WDR37: variants seen among roughly 807,000 people sequenced by gnomAD.
WDR37 encodes WD repeat-containing protein 37.
In WDR37, 19 loss-of-function variants were observed where a neutral mutation model predicts 62.9. The ratio of observed to expected loss-of-function variants is 0.30; its 90% CI spans 0.21 to 0.44. The LOEUF (loss-of-function observed/expected upper bound fraction) is 0.44. Ranked by LOEUF, WDR37 falls within the 20% of genes least tolerant of loss-of-function variation. The probability of loss-of-function intolerance (pLI) is 1.00; values close to 1 mark genes in which losing one functional copy is unlikely to be tolerated. For missense variants in WDR37, 474 were observed against 657.6 expected (o/e 0.72, Z 3.05); for synonymous variants, 250 against 260.9 (o/e 0.96, Z 0.40).
rs1835000617 is a variant in WDR37, at chr10:1,105,973, G to C, written c.1103+706G>C. On this transcript the variant is annotated intron_variant, in intron 11 of 13. Transcript: ENST00000263150. This position sits in a 1 kb window ranked among gnomAD's most constrained non-coding sequence, Gnocchi z 5.3. ...GCTAGTTTTTTGTATTTTTAGTAGAGATGGGGTTTCACCGTGATAGCCAGG... is the reference window on the plus strand; with the variant it reads ...GCTAGTTTTTTGTATTTTTAGTAGACATGGGGTTTCACCGTGATAGCCAGG... Among the ~76,000 whole-genome samples the C allele has an allele frequency of 6.6e-6, 1 of 152,178 alleles. No homozygotes were observed. The highest frequency in any genetic ancestry group is 1.9e-4 in the East Asian group (1 of 5,172).
rs202104652 is a variant in WDR37 at position 1,080,405 on chromosome 10, C to A, written c.332-7C>A. 2 of 1,614,024 alleles carry A rather than the reference C, an allele frequency of 1.2e-6. No homozygotes were observed. The highest frequency in any genetic ancestry group is 1.7e-6 in the Non-Finnish European group (2 of 1,180,010). ...TTGTGTTTGATTGTCACTCTCTGTC[C>A]CTGCAGCCAGTCACAGCACCAGCCA... is the stretch of plus-strand genomic sequence containing the variant. On this transcript the variant is annotated splice_polypyrimidine_tract_variant and splice_region_variant and intron_variant, in intron 4 of 13. Transcript: ENST00000263150.
intron 8 of WDR37, among the ~76,000 whole-genome samples, chr10:1,094,334 C>T (rs1022994805): frequency 3.3e-5 from 5 of 152,108 alleles, no homozygotes; most frequent in African/African-American, 4.8e-5. Flanking sequence ...ATTGTGCTGA[C>T]GCAGGAATAG....
intron 6 of WDR37, among the ~76,000 whole-genome samples, chr10:1,084,771 C>T (rs1363823340): frequency 2.6e-5 from 4 of 152,130 alleles, no homozygotes; most frequent in East Asian, 3.9e-4. Flanking sequence ...TTTGTGGTCC[C>T]GTGGGTGGGT....
At chr10:1,101,810 G>A (rs557948667) in intron 9 of WDR37, among the ~76,000 whole-genome samples, 2 of 152,298 alleles carry the variant, frequency 1.3e-5, no homozygotes, top group South Asian at 4.1e-4. Flanking sequence ...TCCGACTCAC[G>A]TGCGACCTCA....
At chr10:1,104,693 A>C (rs1401676906) in intron 10 of WDR37, among the ~76,000 whole-genome samples, 1 of 152,214 alleles carries the variant, frequency 6.6e-6, no homozygotes, top group Non-Finnish European at 1.5e-5. Flanking sequence ...GCTTGGGGCC[A>C]TCTTGGGATG....
rs904282223 is a variant in WDR37, at chr10:1,087,583, A to G, written c.604+1226A>G. 2.6e-4 allele frequency among the ~76,000 whole-genome samples: 39 copies of G among 152,218 alleles called. 1 individual carries two copies. The highest frequency in any genetic ancestry group is 2.0e-3 in the Admixed American group (31 of 15,274). On this transcript the variant is annotated intron_variant, in intron 7 of 13. Coordinates refer to ENST00000263150, the MANE Select transcript of WDR37 (RefSeq NM_014023.4). ...TCTTAGGTGAGCAGGTGCGTTGTCA[A>G]TGAGCCAGTTGTATTATGATAGGTG... is the stretch of plus-strand genomic sequence containing the variant.
At chr10:1,113,321 C>T (rs1310710089) in intron 11 of WDR37, among the ~76,000 whole-genome samples, 1 of 152,092 alleles carries the variant, frequency 6.6e-6, no homozygotes, top group Non-Finnish European at 1.5e-5. Context: ...TCAAAATTGT[C>T]CTGCTTATTG....
chr10:1,097,546 C>A (rs1271678317), intron 9 of WDR37, among the ~76,000 whole-genome samples: 1 of 152,232 alleles, frequency 6.6e-6, no homozygotes, highest in Non-Finnish European at 1.5e-5. Context: ...AGTCCCAGGA[C>A]AAGAGCCTGT....
rs143484988 is a variant in WDR37 at position 1,086,292 on chromosome 10, C to T, written c.539C>T (p.Thr180Met). 4.3e-4 allele frequency: 690 copies of T among 1,613,874 alleles called. No homozygotes were observed. Among genetic ancestry groups the T allele is most frequent in the Non-Finnish European group, 5.5e-4 (648 of 1,179,880 alleles). The change falls in exon 7 of 14, where the codon ACG (threonine) becomes ATG (methionine). Residue 180 changes from threonine (T) to methionine (M), a missense_variant. Coordinates refer to ENST00000263150, the MANE Select transcript of WDR37 (RefSeq NM_014023.4). ...CTTCATTTCCATCTTGCAGATCACA[C>T]GGCTTTGCTGTGGAGCATAGAGACA... Reference protein sequence around the residue: ...VVLGTASADHTALLWSIETGK... With the variant: ...VVLGTASADHMALLWSIETGK...
intron 11 of WDR37, among the ~76,000 whole-genome samples, chr10:1,106,452 T>C (rs1835025726): frequency 6.6e-6 from 1 of 152,266 alleles, no homozygotes; most frequent in Admixed American, 6.5e-5. Flanking sequence ...CGTTAGTTAC[T>C]AAGTTTTAGA....
chr10:1,099,275 G>A (rs796773711), intron 9 of WDR37, among the ~76,000 whole-genome samples: 11 of 152,284 alleles, frequency 7.2e-5, no homozygotes, highest in African/African-American at 2.6e-4. Context: ...ATCTTCCCAC[G>A]TGCTCAGCCC....
At chr10:1,074,551 G>C (rs1010117729) in intron 2 of WDR37, 37 of 1,302,674 alleles carry the variant, frequency 2.8e-5, no homozygotes, top group Non-Finnish European at 3.5e-5. Context: ...CCCTGCCCTG[G>C]GCGGGAGAGG....
At chr10:1,097,431 A>G (rs549506706) in intron 9 of WDR37, among the ~76,000 whole-genome samples, 99 of 152,362 alleles carry the variant, frequency 6.5e-4, no homozygotes, top group Non-Finnish European at 6.2e-4. Flanking sequence ...ATTCCACAGC[A>G]CAGAAACCAG....
intron 1 of WDR37, among the ~76,000 whole-genome samples, chr10:1,064,037 G>A (rs951263224): frequency 3.3e-5 from 5 of 152,198 alleles, no homozygotes; most frequent in Admixed American, 6.5e-5. Context: ...TTAAAGCAGC[G>A]ATTGTAGAAA....
At chr10:1,124,869 C>G in intron 12 of WDR37, 41 bp from the exon 13 acceptor site, 2 of 1,607,138 alleles carry the variant, frequency 1.2e-6, no homozygotes, top group African/African-American at 2.7e-5. Context: ...CTTACAGTGT[C>G]ACTGTTTCAT....
Position 1,102,424 on chromosome 10 carries a change from T to C in WDR37, c.727-1178T>C, listed in dbSNP as rs564588813. On this transcript the variant is annotated intron_variant, in intron 9 of 13. Transcript: ENST00000263150. ...AAAATACTTGAGACAGGGTAATTTA[T>C]AAAGAAAAGAGGTTTAATTGGCTGA... Among the ~76,000 whole-genome samples the C allele has an allele frequency of 7.9e-5, 12 of 152,328 alleles. 2 individuals are homozygous for C. In the South Asian group the frequency reaches 2.5e-3, roughly 32 times the overall value.
chr10:1,090,119 A>G (rs1246934368), intron 7 of WDR37, among the ~76,000 whole-genome samples: 1 of 152,148 alleles, frequency 6.6e-6, no homozygotes, highest in East Asian at 1.9e-4. Context: ...GGTGCCCGCC[A>G]CCACGCCTGG....
At chr10:1,115,765 CT>C in intron 11 of WDR37, among the ~76,000 whole-genome samples, 1 of 152,126 alleles carries the variant, frequency 6.6e-6, no homozygotes, top group Non-Finnish European at 1.5e-5. Context: ...TTGGTGATGG[CT>C]TTTGAGTCCT....
chr10:1,089,541 C>T (rs1834311171), intron 7 of WDR37, among the ~76,000 whole-genome samples: 1 of 152,132 alleles, frequency 6.6e-6, no homozygotes, highest in African/African-American at 2.4e-5. Context: ...TGTTCTTGTG[C>T]CTGGCTTGTG....
Sources: gnomAD v4.1 joint callset for allele counts (sites outside exome capture counted in the v4.1 genomes callset) on GRCh38, gnomAD v4.1.1 for gene constraint, Gnocchi (gnomAD v3.1) non-coding constraint, MANE v1.5 for transcripts, NCBI Gene and HGNC (gene_info 2026-07-23, HGNC 2026-07-21) for gene names.